SLC24A2: variants seen among roughly 807,000 people sequenced by gnomAD.
The protein encoded by SLC24A2 is solute carrier family 24 member 2.
Under a neutral mutation model 62.0 loss-of-function variants are expected in SLC24A2, and 36 were observed. The ratio of observed to expected loss-of-function variants is 0.58; its 90% CI spans 0.44 to 0.77. SLC24A2 has a LOEUF of 0.77. SLC24A2 is among the 30% of genes least tolerant of loss of function. SLC24A2 has a pLI of 0.00. For synonymous variants in SLC24A2, 358 were observed against 294.0 expected (o/e 1.22, Z -2.23); for missense variants, 846 against 817.9 (o/e 1.03, Z -0.42).
the SLC24A2 span, among the ~76,000 whole-genome samples, chr9:19,966,331 T>C: frequency 2.0e-5 from 3 of 152,180 alleles, no homozygotes; most frequent in African/African-American, 7.2e-5. Context: ...ATGCCCATAA[T>C]AGTATTTGTG....
At chr9:19,656,440 C>A (rs1480773232) in intron 2 of SLC24A2, among the ~76,000 whole-genome samples, 1 of 152,130 alleles carries the variant, frequency 6.6e-6, no homozygotes, top group African/African-American at 2.4e-5. Flanking sequence ...CAGTCTAAAA[C>A]CCTTTATTCT....
the SLC24A2 span, among the ~76,000 whole-genome samples, chr9:19,988,130 T>A: frequency 6.6e-6 from 1 of 152,038 alleles, no homozygotes; most frequent in South Asian, 2.1e-4. Flanking sequence ...GAATTTAGGG[T>A]TTTTTTCCTT....
At chr9:19,560,133 A>G (rs905757619) in intron 7 of SLC24A2, among the ~76,000 whole-genome samples, 20 of 152,190 alleles carry the variant, frequency 1.3e-4, no homozygotes, top group African/African-American at 4.8e-4. Flanking sequence ...AGGATAAAGC[A>G]TCATTTGCTT....
chr9:20,262,325 GC>G, the SLC24A2 span, among the ~76,000 whole-genome samples: 1 of 152,166 alleles, frequency 6.6e-6, no homozygotes, highest in Non-Finnish European at 1.5e-5. Flanking sequence ...ATTCCCAGCA[GC>G]CGAAGTTTCC....
chr9:19,652,019 A>T (rs1818815143), intron 2 of SLC24A2, among the ~76,000 whole-genome samples: 1 of 152,192 alleles, frequency 6.6e-6, no homozygotes, highest in Non-Finnish European at 1.5e-5. Flanking sequence ...ATTACAGGAG[A>T]TACCCACACT....
intron 2 of SLC24A2, among the ~76,000 whole-genome samples, chr9:19,744,263 C>A (rs927171637): frequency 6.6e-6 from 1 of 152,150 alleles, no homozygotes; most frequent in Non-Finnish European, 1.5e-5. Context: ...TTTCTATTTT[C>A]TCCCTCACCA....
the SLC24A2 span, among the ~76,000 whole-genome samples, chr9:20,036,891 C>A: frequency 7.0e-6 from 1 of 143,828 alleles, no homozygotes; most frequent in African/African-American, 2.6e-5. Context: ...TGTGTGTGTG[C>A]GTATATATAT....
At chr9:19,839,738 A>G in the SLC24A2 span, among the ~76,000 whole-genome samples, 1 of 152,180 alleles carries the variant, frequency 6.6e-6, no homozygotes, top group East Asian at 1.9e-4. Flanking sequence ...AAGAAATTAT[A>G]GTAGTAATGA....
At chr9:20,025,514 C>T in the SLC24A2 span, among the ~76,000 whole-genome samples, 12 of 152,128 alleles carry the variant, frequency 7.9e-5, no homozygotes, top group African/African-American at 2.4e-4. Context: ...TTATTACCTG[C>T]TCCCTGGTAG....
chr9:19,826,813 A>C, the SLC24A2 span, among the ~76,000 whole-genome samples: 1 of 152,144 alleles, frequency 6.6e-6, no homozygotes, highest in Non-Finnish European at 1.5e-5. Context: ...GAATGCAAAC[A>C]CTCAAACCAT....
chr9:19,739,463 G>C (rs1030697896), intron 2 of SLC24A2, among the ~76,000 whole-genome samples: 3 of 152,166 alleles, frequency 2.0e-5, no homozygotes, highest in Non-Finnish European at 2.9e-5. Context: ...ATTAAAATAA[G>C]ATGGTATTAG....
intron 10 of SLC24A2, among the ~76,000 whole-genome samples, chr9:19,519,030 C>T (rs1833067777): frequency 6.6e-6 from 1 of 151,840 alleles, no homozygotes; most frequent in African/African-American, 2.4e-5. Context: ...TCAAAACTCC[C>T]ATAGCAGAAA....
intron 4 of SLC24A2, among the ~76,000 whole-genome samples, chr9:19,619,250 A>T (rs1817847086): frequency 6.6e-6 from 1 of 152,214 alleles, no homozygotes; most frequent in Non-Finnish European, 1.5e-5. Flanking sequence ...GAAACTTAGA[A>T]ATGATGACAA....
the SLC24A2 span, among the ~76,000 whole-genome samples, chr9:20,147,529 A>T: frequency 6.6e-6 from 1 of 152,178 alleles, no homozygotes; most frequent in Non-Finnish European, 1.5e-5. Context: ...GAAAAGAGCT[A>T]TTCCTGAGTT....
At chr9:19,878,836 C>T in the SLC24A2 span, among the ~76,000 whole-genome samples, 8 of 152,286 alleles carry the variant, frequency 5.3e-5, no homozygotes, top group African/African-American at 1.9e-4. Flanking sequence ...AGGTATTTCT[C>T]TATAGCAGTG....
the SLC24A2 span, among the ~76,000 whole-genome samples, chr9:20,046,533 T>C: frequency 6.6e-6 from 1 of 152,236 alleles, no homozygotes; most frequent in Non-Finnish European, 1.5e-5. Flanking sequence ...ACAACATTTT[T>C]TTCTGTTAAG....
At chr9:20,032,937 G>T in the SLC24A2 span, among the ~76,000 whole-genome samples, 1 of 152,134 alleles carries the variant, frequency 6.6e-6, no homozygotes, top group Non-Finnish European at 1.5e-5. Flanking sequence ...ACGTAACTCC[G>T]ATTTCCCTTT....
the SLC24A2 span, among the ~76,000 whole-genome samples, chr9:20,305,577 TAAGTA>T: frequency 6.6e-6 from 1 of 152,210 alleles, no homozygotes; most frequent in Admixed American, 6.5e-5. Flanking sequence ...GACTGATCTC[TAAGTA>T]AATAAAAATA....
At chr9:20,271,244 G>C in the SLC24A2 span, among the ~76,000 whole-genome samples, 1 of 152,170 alleles carries the variant, frequency 6.6e-6, no homozygotes, top group Non-Finnish European at 1.5e-5. Context: ...GTGCTGCTTT[G>C]TAGATCATTA....
Sources: gnomAD v4.1 joint callset for allele counts (sites outside exome capture counted in the v4.1 genomes callset) on GRCh38, gnomAD v4.1.1 for gene constraint, MANE v1.5 for transcripts, NCBI Gene and HGNC (gene_info 2026-07-23, HGNC 2026-07-21) for gene names.